Variants in DDX19B observed in about 807,000 individuals in gnomAD.
DDX19B encodes the protein DEAD-box helicase 19B, also known as ATP-dependent RNA helicase DDX19B.
DDX19B carries 27 observed loss-of-function variants against 58.1 expected under a neutral mutation model. The observed-to-expected ratio is 0.46, with a 90% CI of 0.34 to 0.64. The LOEUF is 0.64. Among genes scored for constraint, DDX19B ranks in the 30% least tolerant of loss-of-function variants. The pLI, the probability that DDX19B is intolerant of heterozygous loss-of-function variation, is 0.01. For missense variants in DDX19B, 399 were observed against 596.5 expected, an observed-to-expected ratio of 0.67 and a Z score of 3.45; for synonymous variants, 187 against 214.4, an observed-to-expected ratio of 0.87 and a Z score of 1.12.
At chr16:70,293,676 A>G (rs1055795269), upstream of DDX19B, among the ~76,000 whole-genome samples, 9 of 135,342 alleles carry the variant, frequency 6.6e-5, no homozygotes, top group South Asian at 2.3e-4. Context: ...CAGTGGCGCA[A>G]TCTCGGCTCA....
chr16:70,310,626 T>G (rs1357577805), intron 1 of DDX19B, among the ~76,000 whole-genome samples: 1 of 152,204 alleles, frequency 6.6e-6, no homozygotes, highest in Non-Finnish European at 1.5e-5. Flanking sequence ...CTTGATATTT[T>G]ATGATTAGGG....
chr16:70,321,802 G>A (rs965428906), intron 5 of DDX19B, among the ~76,000 whole-genome samples: 2 of 152,072 alleles, frequency 1.3e-5, no homozygotes, highest in Non-Finnish European at 2.9e-5. Context: ...GGGAGGCCGA[G>A]GCAGGCAGAT....
At chr16:70,318,277 G>A (rs1301314923) in intron 5 of DDX19B, among the ~76,000 whole-genome samples, 3 of 151,892 alleles carry the variant, frequency 2.0e-5, no homozygotes, top group Non-Finnish European at 4.4e-5. Flanking sequence ...GGGAAGCTGA[G>A]GCACGAGAAT....
At chr16:70,305,303 G>T (rs893343094) in intron 1 of DDX19B, among the ~76,000 whole-genome samples, 1 of 152,156 alleles carries the variant, frequency 6.6e-6, no homozygotes, top group African/African-American at 2.4e-5. Flanking sequence ...GGAGGTCTCA[G>T]GACCCAGAAT....
intron 1 of DDX19B, among the ~76,000 whole-genome samples, chr16:70,300,013 G>A (rs1961403781): frequency 6.6e-6 from 1 of 151,960 alleles, no homozygotes; most frequent in African/African-American, 2.4e-5. Flanking sequence ...TTCTCCCACC[G>A]AAACACTTTA....
At chr16:70,332,597 G>A (rs573829592) in intron 10 of DDX19B, among the ~76,000 whole-genome samples, 2 of 152,098 alleles carry the variant, frequency 1.3e-5, no homozygotes, top group East Asian at 3.9e-4. Flanking sequence ...CACCGCACTC[G>A]GCCCCCCAAA....
chr16:70,333,365 C>T (rs919752266), intron 11 of DDX19B, among the ~76,000 whole-genome samples, 156 bp from the exon 12 acceptor site: 10 of 152,172 alleles, frequency 6.6e-5, no homozygotes, highest in Non-Finnish European at 1.5e-4. Flanking sequence ...GACTGGGCTT[C>T]GGGGCGTGGG....
chr16:70,297,363 C>G (rs1281783327), upstream of DDX19B, among the ~76,000 whole-genome samples: 1 of 152,014 alleles, frequency 6.6e-6, no homozygotes, highest in Non-Finnish European at 1.5e-5. Context: ...CAGGTGTGCA[C>G]CACCATGCTT....
Position 70,334,843 on chromosome 16 carries a change from T to C in DDX19B, c.*1261T>C, listed in dbSNP as rs1246024926. The C allele has an allele frequency of 3.9e-5, 6 of 152,216 alleles. No homozygotes were observed. Among genetic ancestry groups the C allele is most frequent in the Non-Finnish European group, 2.9e-5 (2 of 68,062 alleles). 9.4% of individuals were successfully genotyped at this position (152,216 alleles called of 1,614,324 possible). A position where few individuals can be genotyped will look rare whatever the true frequency, so the allele number is the denominator to read the frequency against. On this transcript the variant is annotated 3_prime_UTR_variant, in exon 12 of 12. Transcript: ENST00000288071. The stretch of plus-strand genomic sequence containing the variant: ...GGTACCCACGAAATGACAGCAAAGA[T>C]GAGAGGAAACTGAATTGCAAGAGCA...
At position 70,299,761 on chromosome 16, in the gene DDX19B, C is replaced by G. The variant is rs527355186; in HGVS notation, c.57+407C>G. 2.8e-4 allele frequency among the ~76,000 whole-genome samples: 43 copies of G among 152,256 alleles called. No homozygotes were observed. In the South Asian group the frequency reaches 8.7e-3, roughly 31 times the overall value. Reference sequence around the variant, plus strand: ...AGGATTACAGGCTGAGCCATTGTTCCTGGCCGCCCCGGTTTGTAATAGTTA... The same window carrying G: ...AGGATTACAGGCTGAGCCATTGTTCGTGGCCGCCCCGGTTTGTAATAGTTA... On this transcript the variant is annotated intron_variant, in intron 1 of 11. Coordinates refer to ENST00000288071, the MANE Select transcript of DDX19B (RefSeq NM_007242.7).
intron 10 of DDX19B, 147 bp from the exon 11 acceptor site, chr16:70,332,821 G>T: frequency 6.8e-7 from 1 of 1,462,562 alleles, no homozygotes; most frequent in South Asian, 1.3e-5. Context: ...CGGCCTTTCA[G>T]ATCTGGCTTC....
chr16:70,309,838 A>AAAAAAAG (rs1961990471), intron 1 of DDX19B, among the ~76,000 whole-genome samples: 1 of 149,934 alleles, frequency 6.7e-6, no homozygotes, highest in African/African-American at 2.4e-5. Flanking sequence ...AAAAAAAAAA[A>AAAAAAAG]GAGAAATAGA....
chr16:70,313,761 C>A (rs571316983), intron 2 of DDX19B, among the ~76,000 whole-genome samples: 1 of 152,182 alleles, frequency 6.6e-6, no homozygotes, highest in Non-Finnish European at 1.5e-5. Context: ...TCACTTAAAT[C>A]TTTTTTGTAT....
chr16:70,317,629 T>A, intron 5 of DDX19B, 41 bp downstream of exon 5: 1 of 1,562,068 alleles, frequency 6.4e-7, no homozygotes, highest in Non-Finnish European at 8.8e-7. Flanking sequence ...TTAGATTTTC[T>A]ATTTTTGAAA....
rs1963645398 is a variant in DDX19B at position 70,334,936 on chromosome 16, C to G, written c.*1354C>G. On this transcript the variant is annotated 3_prime_UTR_variant, in exon 12 of 12. Transcript: ENST00000288071. Reference sequence around the variant, plus strand: ...CTTTGGTATAGAGTGGCCACTTTCTCTAGGACCTGGAAGAAGAGTTTGATG... The same window carrying G: ...CTTTGGTATAGAGTGGCCACTTTCTGTAGGACCTGGAAGAAGAGTTTGATG... 1 of 152,222 alleles carries G rather than the reference C, an allele frequency of 6.6e-6. No homozygotes were observed. The highest frequency in any genetic ancestry group is 6.5e-5 in the Admixed American group (1 of 15,280). 9.4% of individuals were successfully genotyped at this position (152,222 alleles called of 1,614,324 possible).
rs981591398 is a variant in DDX19B at position 70,324,211 on chromosome 16, C to T, written c.390-374C>T. 2.0e-5 allele frequency among the ~76,000 whole-genome samples: 3 copies of T among 151,824 alleles called. No individual in the cohort carries two copies. In the East Asian group the frequency reaches 5.8e-4, roughly 29 times the overall value. ...GTGAGCTGACTCACATTTTAAGAATCAGTAGGCCAACTGCAGTGACTCACA... is the reference window on the plus strand; with the variant it reads ...GTGAGCTGACTCACATTTTAAGAATTAGTAGGCCAACTGCAGTGACTCACA... On this transcript the variant is annotated intron_variant, in intron 5 of 11. Coordinates refer to ENST00000288071, the MANE Select transcript of DDX19B (RefSeq NM_007242.7).
At chr16:70,311,156 G>A (rs1962072846) in intron 1 of DDX19B, among the ~76,000 whole-genome samples, 2 of 151,928 alleles carry the variant, frequency 1.3e-5, no homozygotes, top group South Asian at 2.1e-4. Flanking sequence ...GGCGGATCAC[G>A]AGGTCAGGAG....
At chr16:70,315,350 G>A (rs1044635135) in intron 3 of DDX19B, among the ~76,000 whole-genome samples, 3 of 147,712 alleles carry the variant, frequency 2.0e-5, no homozygotes, top group Admixed American at 1.4e-4. Context: ...TCGAGCCACT[G>A]CACTCTAGCC....
At chr16:70,290,320 G>A (rs962675767), upstream of DDX19B, among the ~76,000 whole-genome samples, 6 of 151,982 alleles carry the variant, frequency 3.9e-5, no homozygotes, top group East Asian at 3.9e-4. Context: ...AACGGATGAC[G>A]AGGTCAGGAG....
Sources: gnomAD v4.1 joint callset for allele counts (sites outside exome capture counted in the v4.1 genomes callset) on GRCh38, gnomAD v4.1.1 for gene constraint, MANE v1.5 for transcripts, NCBI Gene and HGNC (gene_info 2026-07-23, HGNC 2026-07-21) for gene names.